KHDRBS3: variants seen among roughly 807,000 people sequenced by gnomAD.
KHDRBS3 encodes the protein KH domain-containing, RNA-binding, signal transduction-associated protein 3.
Under a neutral mutation model 45.6 loss-of-function variants are expected in KHDRBS3, and 23 were observed. The observed-to-expected ratio is 0.50, with a 90% CI of 0.36 to 0.72. KHDRBS3 has a LOEUF of 0.72. Ranked by LOEUF, KHDRBS3 falls within the 30% of genes least tolerant of loss-of-function variation. KHDRBS3 has a pLI of 0.00. For missense variants in KHDRBS3, 352 were observed against 424.8 expected (o/e 0.83, Z 1.51); for synonymous variants, 162 against 156.5 (o/e 1.04, Z -0.26).
chr8:135,498,547 C>T (rs1823575888), intron 1 of KHDRBS3, among the ~76,000 whole-genome samples: 1 of 152,148 alleles, frequency 6.6e-6, no homozygotes, highest in Admixed American at 6.5e-5. Flanking sequence ...CTAATGGCTT[C>T]CTTCCCTGCC....
At chr8:135,618,493 C>T (rs1008859677) in intron 7 of KHDRBS3, among the ~76,000 whole-genome samples, 2 of 152,102 alleles carry the variant, frequency 1.3e-5, no homozygotes, top group Non-Finnish European at 2.9e-5. Context: ...GTCATTATAT[C>T]AATGGTAACT....
At chr8:135,638,688 G>T (rs908777960) in intron 7 of KHDRBS3, among the ~76,000 whole-genome samples, 5 of 152,190 alleles carry the variant, frequency 3.3e-5, no homozygotes, top group Non-Finnish European at 1.5e-5. Flanking sequence ...CGTGGCTCAC[G>T]CCTGTAATCC....
chr8:135,535,420 A>T (rs1054229675), intron 2 of KHDRBS3, among the ~76,000 whole-genome samples: 3 of 144,108 alleles, frequency 2.1e-5, no homozygotes, highest in South Asian at 2.2e-4. Context: ...ATATATAGTT[A>T]AACTATATAT....
At chr8:135,626,532 G>A (rs531566927) in intron 7 of KHDRBS3, among the ~76,000 whole-genome samples, 2 of 152,270 alleles carry the variant, frequency 1.3e-5, no homozygotes, top group African/African-American at 4.8e-5. Context: ...GGCCGGGCGC[G>A]GTGGCTCACG....
intron 5 of KHDRBS3, among the ~76,000 whole-genome samples, chr8:135,560,361 G>A (rs916067973): frequency 7.9e-5 from 12 of 152,046 alleles, no homozygotes; most frequent in African/African-American, 2.7e-4. Flanking sequence ...TTATATATAT[G>A]TGTATGTAAT....
chr8:135,523,848 A>G (rs915655357), intron 2 of KHDRBS3, among the ~76,000 whole-genome samples: 1 of 152,218 alleles, frequency 6.6e-6, no homozygotes, highest in African/African-American at 2.4e-5. Flanking sequence ...ATCTATTGAA[A>G]TAAACACAAT....
intron 7 of KHDRBS3, among the ~76,000 whole-genome samples, chr8:135,627,251 T>C (rs1419784830): frequency 6.6e-6 from 1 of 152,214 alleles, no homozygotes; most frequent in Non-Finnish European, 1.5e-5. Context: ...TCCTTCACCC[T>C]GGCTTCTATC....
intron 6 of KHDRBS3, among the ~76,000 whole-genome samples, chr8:135,599,846 T>A (rs1013983413): frequency 1.3e-5 from 2 of 152,192 alleles, no homozygotes; most frequent in African/African-American, 4.8e-5. Flanking sequence ...GCGGAGGAAT[T>A]GCGGGTGAAA....
intron 1 of KHDRBS3, among the ~76,000 whole-genome samples, chr8:135,464,830 T>C (rs1333305495): frequency 6.6e-6 from 1 of 152,246 alleles, no homozygotes; most frequent in Non-Finnish European, 1.5e-5. Flanking sequence ...ACATAGCTAG[T>C]AACTGGTGAA....
At chr8:135,566,046 A>G (rs918856117) in intron 5 of KHDRBS3, among the ~76,000 whole-genome samples, 1 of 152,196 alleles carries the variant, frequency 6.6e-6, no homozygotes, top group Non-Finnish European at 1.5e-5. Context: ...CAGAAATTTC[A>G]TATCTGTGGC....
intron 1 of KHDRBS3, among the ~76,000 whole-genome samples, chr8:135,483,058 T>C (rs1822665414): frequency 1.3e-5 from 2 of 152,200 alleles, no homozygotes; most frequent in South Asian, 4.1e-4. Context: ...GTTTTTTTTG[T>C]TTCTCAGCAT....
chr8:135,536,892 G>A (rs913219968), intron 2 of KHDRBS3, among the ~76,000 whole-genome samples: 5 of 145,494 alleles, frequency 3.4e-5, no homozygotes, highest in Admixed American at 6.9e-5. Context: ...CCCGGGAAGC[G>A]GAGCTTGCAG....
chr8:135,569,063 T>G (rs1403656069), intron 5 of KHDRBS3, among the ~76,000 whole-genome samples: 2 of 152,210 alleles, frequency 1.3e-5, no homozygotes, highest in Non-Finnish European at 2.9e-5. Flanking sequence ...TTTTACTCTT[T>G]GGAAGACTAA....
chr8:135,483,623 G>C (rs1272908025), intron 1 of KHDRBS3, among the ~76,000 whole-genome samples: 1 of 152,152 alleles, frequency 6.6e-6, no homozygotes, highest in Non-Finnish European at 1.5e-5. Context: ...TGTCATGAGG[G>C]TATCATATCC....
intron 6 of KHDRBS3, among the ~76,000 whole-genome samples, chr8:135,602,777 T>A (rs1829276268): frequency 6.6e-6 from 1 of 152,176 alleles, no homozygotes. Flanking sequence ...TTTCGTGCCC[T>A]CACACCAAGA....
At chr8:135,639,109 A>G (rs1457320297) in intron 7 of KHDRBS3, among the ~76,000 whole-genome samples, 1 of 152,192 alleles carries the variant, frequency 6.6e-6, no homozygotes, top group Non-Finnish European at 1.5e-5. Flanking sequence ...TGGTCACATA[A>G]CATGTGGATG....
At chr8:135,536,828 C>T (rs994240307) in intron 2 of KHDRBS3, among the ~76,000 whole-genome samples, 6 of 150,084 alleles carry the variant, frequency 4.0e-5, no homozygotes, top group African/African-American at 9.8e-5. Flanking sequence ...GGCGCGGTGG[C>T]GGGCGCCTGT....
downstream of KHDRBS3, among the ~76,000 whole-genome samples, chr8:135,650,807 C>T (rs1346058090): frequency 1.3e-5 from 2 of 152,202 alleles, no homozygotes; most frequent in Admixed American, 6.5e-5. Context: ...TTCTCTACCC[C>T]GCCCCTGCAC....
intron 5 of KHDRBS3, among the ~76,000 whole-genome samples, chr8:135,559,879 A>G (rs548022468): frequency 6.6e-6 from 1 of 152,158 alleles, no homozygotes; most frequent in African/African-American, 2.4e-5. Flanking sequence ...TCTGTCCTCA[A>G]ATCTCACCCA....
Sources: allele counts gnomAD v4.1 joint callset (sites outside exome capture counted in the v4.1 genomes callset), GRCh38; gene constraint gnomAD v4.1.1; transcripts MANE v1.5; gene names NCBI Gene and HGNC (gene_info 2026-07-23, HGNC 2026-07-21).